EPHB1: variants seen among roughly 807,000 people sequenced by gnomAD.
EPHB1 encodes the protein ephrin type-B receptor 1.
Under a neutral mutation model 94.4 loss-of-function variants are expected in EPHB1, and 30 were observed. The ratio of observed to expected loss-of-function variants is 0.32; its 90% CI spans 0.24 to 0.43. EPHB1 has a LOEUF of 0.43. EPHB1 is among the 20% of genes least tolerant of loss of function. The probability of loss-of-function intolerance (pLI) is 1.00; values close to 1 mark genes in which losing one functional copy is unlikely to be tolerated. For synonymous variants in EPHB1, 522 were observed against 489.1 expected, an observed-to-expected ratio of 1.07 and a Z score of -0.89; for missense variants, 1,055 against 1,308.3, an observed-to-expected ratio of 0.81 and a Z score of 2.99.
At chr3:135,059,953 G>A (rs899494261) in intron 3 of EPHB1, among the ~76,000 whole-genome samples, 1 of 152,206 alleles carries the variant, frequency 6.6e-6, no homozygotes, top group South Asian at 2.1e-4. Context: ...CTGTAGATTA[G>A]CAAAGAGAAC....
At chr3:134,959,689 G>C (rs1436439706) in intron 3 of EPHB1, among the ~76,000 whole-genome samples, 1 of 152,164 alleles carries the variant, frequency 6.6e-6, no homozygotes, top group Admixed American at 6.5e-5. Context: ...TGAACCAGCA[G>C]ATAATACACA....
At chr3:135,225,241 G>A (rs79987238) in intron 12 of EPHB1, among the ~76,000 whole-genome samples, 13,579 of 152,216 alleles carry the variant, frequency 0.089, 701 homozygotes, top group South Asian at 0.13. Context: ...GATGCAAGGC[G>A]TAATCCAAAA....
chr3:135,210,021 G>A (rs1559876009), intron 12 of EPHB1, among the ~76,000 whole-genome samples: 1 of 152,322 alleles, frequency 6.6e-6, no homozygotes, highest in African/African-American at 2.4e-5. Context: ...CTCTGGATGG[G>A]TGATGGCTCC....
chr3:135,157,166 G>A (rs912690825), intron 6 of EPHB1, among the ~76,000 whole-genome samples: 1 of 152,174 alleles, frequency 6.6e-6, no homozygotes, highest in African/African-American at 2.4e-5. Context: ...GCTGGGAAGC[G>A]AGCCTGGGTC....
At chr3:134,937,444 C>T (rs1045582205) in intron 2 of EPHB1, among the ~76,000 whole-genome samples, 2 of 152,170 alleles carry the variant, frequency 1.3e-5, no homozygotes, top group African/African-American at 4.8e-5. Flanking sequence ...TGCCAGAGGC[C>T]CCACCCCTTC....
chr3:135,180,079 A>G (rs1942113977), intron 10 of EPHB1, 97 bp downstream of exon 10: 1 of 1,411,528 alleles, frequency 7.1e-7, no homozygotes, highest in Non-Finnish European at 9.7e-7. Context: ...AAGCCCCATT[A>G]GGAGGAGAGC....
chr3:134,902,171 C>T (rs929617778), intron 1 of EPHB1, among the ~76,000 whole-genome samples: 1 of 152,100 alleles, frequency 6.6e-6, no homozygotes, highest in African/African-American at 2.4e-5. Context: ...GGGGCTGATG[C>T]AGGTGCCTAG....
In EPHB1 at chr3:135,053,295, A is replaced by G. The variant is rs577958134; in HGVS notation, c.806-53153A>G. Reference sequence around the variant, plus strand: ...CTCTATGCATCTAACAAAATATCATATGGAGCCCATAAATATGTAACATAC... The same window carrying G: ...CTCTATGCATCTAACAAAATATCATGTGGAGCCCATAAATATGTAACATAC... On this transcript the variant is annotated intron_variant, in intron 3 of 15. Transcript: ENST00000398015. Among the ~76,000 whole-genome samples the G allele has an allele frequency of 7.9e-5, 12 of 152,032 alleles. No homozygotes were observed. In the South Asian group the frequency reaches 1.0e-3, roughly 13 times the overall value.
intron 1 of EPHB1, among the ~76,000 whole-genome samples, chr3:134,806,311 A>G (rs907452457): frequency 2.6e-5 from 4 of 152,192 alleles, no homozygotes; most frequent in Non-Finnish European, 4.4e-5. Context: ...CTCCTGAAAT[A>G]CTTGCCGTTG....
chr3:135,007,983 C>T (rs1935483666), intron 3 of EPHB1, among the ~76,000 whole-genome samples: 1 of 152,218 alleles, frequency 6.6e-6, no homozygotes, highest in African/African-American at 2.4e-5. Context: ...CCAGCCTTCA[C>T]ATCCGTGACA....
chr3:135,213,032 A>G (rs1943067780), intron 12 of EPHB1, among the ~76,000 whole-genome samples: 1 of 152,182 alleles, frequency 6.6e-6, no homozygotes, highest in African/African-American at 2.4e-5. Context: ...ACCATCTTCT[A>G]ATACATCTGG....
At chr3:135,118,541 G>A (rs763828614) in intron 4 of EPHB1, among the ~76,000 whole-genome samples, 11 of 152,110 alleles carry the variant, frequency 7.2e-5, no homozygotes, top group East Asian at 3.9e-4. Flanking sequence ...TTCCTTCTAC[G>A]CCTGACAAGG....
chr3:135,077,790 C>T (rs549332845), intron 3 of EPHB1, among the ~76,000 whole-genome samples: 15 of 152,330 alleles, frequency 9.8e-5, no homozygotes, highest in African/African-American at 3.6e-4. Flanking sequence ...TCAGGAGCTG[C>T]AGAGGCATTT....
chr3:135,210,225 C>G (rs1943000327), intron 12 of EPHB1, among the ~76,000 whole-genome samples: 1 of 152,162 alleles, frequency 6.6e-6, no homozygotes, highest in Admixed American at 6.5e-5. Flanking sequence ...GTAGAATAGT[C>G]TGGACCTTTT....
chr3:134,910,209 G>A (rs1402359384), intron 1 of EPHB1, among the ~76,000 whole-genome samples: 1 of 152,172 alleles, frequency 6.6e-6, no homozygotes, highest in African/African-American at 2.4e-5. Flanking sequence ...CTCTGGCCCT[G>A]GGAGGTTTGA....
chr3:134,811,185 C>T (rs2036167016), intron 1 of EPHB1, among the ~76,000 whole-genome samples: 1 of 149,844 alleles, frequency 6.7e-6, no homozygotes, highest in Non-Finnish European at 1.5e-5. Flanking sequence ...GTTCTTGCAG[C>T]TAAACCAGCA....
chr3:134,841,365 C>T (rs746831630), intron 1 of EPHB1: 3 of 152,242 alleles, frequency 2.0e-5, no homozygotes, highest in Non-Finnish European at 4.4e-5. Flanking sequence ...GCTGGTGTCA[C>T]TGTTGTCCCT....
intron 3 of EPHB1, among the ~76,000 whole-genome samples, chr3:135,041,557 G>A (rs779382402): frequency 2.0e-5 from 3 of 152,212 alleles, no homozygotes; most frequent in Non-Finnish European, 4.4e-5. Flanking sequence ...TGAGTACTAT[G>A]GGCAAGAAGG....
intron 1 of EPHB1, among the ~76,000 whole-genome samples, chr3:134,851,000 A>AAGG (rs1447386858): frequency 3.9e-5 from 6 of 152,244 alleles, no homozygotes; most frequent in African/African-American, 1.4e-4. Context: ...TGGACCAGGA[A>AAGG]AGGCCTTTTT....
Sources: allele counts gnomAD v4.1 joint callset (sites outside exome capture counted in the v4.1 genomes callset), GRCh38; gene constraint gnomAD v4.1.1; transcripts MANE v1.5; gene names NCBI Gene and HGNC (gene_info 2026-07-23, HGNC 2026-07-21).